AGMO: variants seen among roughly 807,000 people sequenced by gnomAD.
AGMO encodes the protein glyceryl-ether monooxygenase.
Under a neutral mutation model 60.2 loss-of-function variants are expected in AGMO, and 75 were observed. That is an observed-to-expected ratio of 1.25 (90% CI 1.03 to 1.51). The LOEUF (loss-of-function observed/expected upper bound fraction) is 1.51, where lower values mean the gene tolerates loss of function less well. Among genes scored for constraint, AGMO ranks in the 40% most tolerant of loss-of-function variants. The pLI, the probability that AGMO is intolerant of heterozygous loss-of-function variation, is 0.00. For missense variants in AGMO, 763 were observed against 525.5 expected, an observed-to-expected ratio of 1.45 and a Z score of -4.42; for synonymous variants, 261 against 177.1, an observed-to-expected ratio of 1.47 and a Z score of -3.76.
chr7:15,119,208 GA>G, the AGMO span, among the ~76,000 whole-genome samples: 9 of 151,794 alleles, frequency 5.9e-5, 1 homozygote, highest in African/African-American at 1.7e-4. Context: ...GGTGAGAGGT[GA>G]TTAGATCTCC....
the AGMO span, among the ~76,000 whole-genome samples, chr7:15,186,666 T>C: frequency 6.6e-6 from 1 of 152,212 alleles, no homozygotes; most frequent in East Asian, 1.9e-4. Flanking sequence ...GTTTTTAATA[T>C]AAATTTTATA....
At chr7:15,521,168 G>C (rs916049523) in intron 3 of AGMO, among the ~76,000 whole-genome samples, 1 of 152,116 alleles carries the variant, frequency 6.6e-6, no homozygotes, top group Non-Finnish European at 1.5e-5. Flanking sequence ...TCCCTGAATA[G>C]ACCAATAACC....
At chr7:15,416,694 T>A (rs139246160) in intron 5 of AGMO, among the ~76,000 whole-genome samples, 1 of 152,288 alleles carries the variant, frequency 6.6e-6, no homozygotes, top group East Asian at 1.9e-4. Context: ...GAGATCCAAG[T>A]ATGATGCCTG....
intron 12 of AGMO, among the ~76,000 whole-genome samples, chr7:15,229,702 T>C (rs901573371): frequency 7.2e-6 from 1 of 138,980 alleles, no homozygotes; most frequent in Admixed American, 7.3e-5. Context: ...AACTAATTAT[T>C]TATATATATA....
At chr7:15,179,935 G>C in the AGMO span, among the ~76,000 whole-genome samples, 9 of 152,168 alleles carry the variant, frequency 5.9e-5, no homozygotes, top group African/African-American at 2.2e-4. Flanking sequence ...TACTGTGCTA[G>C]AACGAGGGGA....
intron 12 of AGMO, among the ~76,000 whole-genome samples, chr7:15,291,347 C>T (rs1238713217): frequency 6.6e-6 from 1 of 152,068 alleles, no homozygotes; most frequent in Non-Finnish European, 1.5e-5. Context: ...GATTCTATAA[C>T]AGATTATATA....
rs372619497 is a variant in AGMO, at chr7:15,383,059, C to T, written c.1074+2387G>A. ...CCATGAGGATCCTGTGTAGTTGACC[C>T]TGCCCTCCCATTCGTAGGCTGGGTA... On this transcript the variant is annotated intron_variant, in intron 10 of 12. Coordinates refer to ENST00000342526, the MANE Select transcript of AGMO (RefSeq NM_001004320.2). Among the ~76,000 whole-genome samples the T allele has an allele frequency of 4.5e-4, 69 of 151,990 alleles. 1 individual carries two copies. The highest frequency in any genetic ancestry group is 1.6e-3 in the African/African-American group (68 of 41,436).
At chr7:15,374,568 G>C (rs1157634558) in intron 10 of AGMO, among the ~76,000 whole-genome samples, 1 of 151,758 alleles carries the variant, frequency 6.6e-6, no homozygotes, top group Non-Finnish European at 1.5e-5. Flanking sequence ...ATAAGATAGA[G>C]AACTTCACCC....
At chr7:15,418,462 T>C in intron 5 of AGMO, 96 bp downstream of exon 5, 1 of 739,300 alleles carries the variant, frequency 1.4e-6, no homozygotes, top group Non-Finnish European at 2.2e-6. Context: ...CAGACAAAGA[T>C]TTTTCTTACA....
chr7:15,352,821 G>A (rs1048103271), intron 12 of AGMO, among the ~76,000 whole-genome samples: 12 of 151,796 alleles, frequency 7.9e-5, no homozygotes, highest in Admixed American at 6.6e-4. Context: ...ACCTGTTTTC[G>A]CTATTAAAGA....
chr7:15,495,131 C>T (rs1341114615), intron 3 of AGMO, among the ~76,000 whole-genome samples: 4 of 152,174 alleles, frequency 2.6e-5, no homozygotes, highest in Admixed American at 6.5e-5. Flanking sequence ...AATATAAACC[C>T]CCATCATGAT....
chr7:15,289,193 T>G (rs1212768767), intron 12 of AGMO, among the ~76,000 whole-genome samples: 1 of 152,138 alleles, frequency 6.6e-6, no homozygotes, highest in Admixed American at 6.5e-5. Flanking sequence ...ATTAAAATAT[T>G]TGCTTTTTGT....
chr7:15,538,504 G>C (rs1417666163), intron 3 of AGMO, among the ~76,000 whole-genome samples: 1 of 152,088 alleles, frequency 6.6e-6, no homozygotes, highest in African/African-American at 2.4e-5. Context: ...TAGGCGCTGA[G>C]AGTGCTGAGA....
At chr7:15,486,564 A>C (rs1322661704) in intron 3 of AGMO, among the ~76,000 whole-genome samples, 1 of 152,190 alleles carries the variant, frequency 6.6e-6, no homozygotes, top group Non-Finnish European at 1.5e-5. Context: ...AATGTAAGCA[A>C]ACTGACAAAA....
chr7:15,409,428 C>T (rs75594259), intron 5 of AGMO, among the ~76,000 whole-genome samples: 1,980 of 151,964 alleles, frequency 0.013, 33 homozygotes, highest in African/African-American at 0.046. Context: ...ATTTTTCTCC[C>T]ATGAATGCTG....
At chr7:15,547,552 T>C (rs561254298) in intron 2 of AGMO, among the ~76,000 whole-genome samples, 1 of 151,606 alleles carries the variant, frequency 6.6e-6, no homozygotes, top group Admixed American at 6.6e-5. Flanking sequence ...AAGAAAGGGG[T>C]GACAGACGCA....
At chr7:15,145,994 TA>T in the AGMO span, among the ~76,000 whole-genome samples, 55 of 152,264 alleles carry the variant, frequency 3.6e-4, no homozygotes, top group African/African-American at 1.3e-3. Flanking sequence ...ATGTTTTACT[TA>T]AGAAAATTAA....
intron 12 of AGMO, among the ~76,000 whole-genome samples, chr7:15,272,890 T>A (rs530754824): frequency 6.6e-6 from 1 of 152,210 alleles, no homozygotes; most frequent in Non-Finnish European, 1.5e-5. Context: ...TGGCCAGTGA[T>A]GATGAGCATT....
chr7:15,394,247 C>CA (rs1223311113), intron 5 of AGMO, 68 bp from the exon 6 acceptor site: 2 of 1,166,054 alleles, frequency 1.7e-6, no homozygotes, highest in Non-Finnish European at 2.5e-6. Flanking sequence ...TATAAATGCT[C>CA]ACATTAGAAA....
Sources: allele counts gnomAD v4.1 joint callset (sites outside exome capture counted in the v4.1 genomes callset), GRCh38; gene constraint gnomAD v4.1.1; transcripts MANE v1.5; gene names NCBI Gene and HGNC (gene_info 2026-07-23, HGNC 2026-07-21).